SNRPG: variants seen among roughly 807,000 people sequenced by gnomAD.
SNRPG encodes the protein small nuclear ribonucleoprotein G.
A neutral mutation model predicts 13.9 loss-of-function variants in SNRPG; 3 were observed. The ratio of observed to expected loss-of-function variants is 0.22; its 90% CI spans 0.10 to 0.56. SNRPG has a LOEUF of 0.56. Among genes scored for constraint, SNRPG ranks in the 20% least tolerant of loss-of-function variants. The pLI is 0.93. For synonymous variants in SNRPG, 29 were observed against 29.3 expected, an observed-to-expected ratio of 0.99 and a Z score of 0.03; for missense variants, 34 against 96.1, an observed-to-expected ratio of 0.35 and a Z score of 2.70.
intron 3 of SNRPG, 38 bp from the exon 4 acceptor site, chr2:70,281,722 A>T: frequency 9.2e-7 from 1 of 1,092,886 alleles, no homozygotes; most frequent in East Asian, 2.4e-5. Flanking sequence ...AGAACAACTC[A>T]GGTAACAGAC....
At chr2:70,282,420 T>C (rs1168707838) in intron 3 of SNRPG, among the ~76,000 whole-genome samples, 1 of 152,118 alleles carries the variant, frequency 6.6e-6, no homozygotes, top group Non-Finnish European at 1.5e-5. Context: ...GTCTTGGAAA[T>C]TGGGCAGAAT....
intron 1 of SNRPG, chr2:70,293,168 G>A (rs2104928286): frequency 1.4e-6 from 1 of 702,434 alleles, no homozygotes; most frequent in East Asian, 2.7e-5. Flanking sequence ...CATTTGCTAA[G>A]ACTAAAGTGG....
chr2:70,284,586 G>A (rs1696894470), intron 3 of SNRPG, among the ~76,000 whole-genome samples: 1 of 152,036 alleles, frequency 6.6e-6, no homozygotes, highest in Non-Finnish European at 1.5e-5. Flanking sequence ...GTCTCACCAT[G>A]TTGCCCAGGC....
chr2:70,293,265 C>CT (rs1469712360), intron 1 of SNRPG: 1 of 701,192 alleles, frequency 1.4e-6, no homozygotes, highest in South Asian at 1.5e-5. Flanking sequence ...ATTTCCCCCT[C>CT]TAGCCGTCTA....
intron 3 of SNRPG, among the ~76,000 whole-genome samples, chr2:70,281,886 G>A (rs1430429052): frequency 6.6e-6 from 1 of 152,096 alleles, no homozygotes; most frequent in African/African-American, 2.4e-5. Context: ...CTAACAATTT[G>A]CTTTATGAGA....
chr2:70,293,298 G>A (rs1697151296), intron 1 of SNRPG: 1 of 678,804 alleles, frequency 1.5e-6, no homozygotes, highest in Non-Finnish European at 2.7e-6. Context: ...TACTATTCGA[G>A]ATGTTCAACA....
chr2:70,289,244 C>T (rs1377990144), intron 2 of SNRPG, 106 bp downstream of exon 2: 6 of 677,874 alleles, frequency 8.9e-6, no homozygotes, highest in African/African-American at 3.7e-5. Flanking sequence ...TGAGCCATCG[C>T]GCCTGGCTGC....
chr2:70,289,414 A>C, intron 1 of SNRPG, 42 bp from the exon 2 acceptor site: 1 of 1,114,830 alleles, frequency 9.0e-7, no homozygotes, highest in Non-Finnish European at 1.3e-6. Flanking sequence ...CCAATTAAAA[A>C]AATTTAAGCA....
chr2:70,284,686 T>A (rs564813813), intron 3 of SNRPG, among the ~76,000 whole-genome samples: 1 of 152,258 alleles, frequency 6.6e-6, no homozygotes, highest in East Asian at 1.9e-4. Flanking sequence ...ACCTGGCCAG[T>A]TATCAGAATT....
chr2:70,285,719 A>T (rs1210708326), intron 3 of SNRPG, among the ~76,000 whole-genome samples: 1 of 152,140 alleles, frequency 6.6e-6, no homozygotes, highest in Non-Finnish European at 1.5e-5. Context: ...TAATTCTCCA[A>T]ATCAAACTTG....
intron 1 of SNRPG, among the ~76,000 whole-genome samples, chr2:70,289,873 T>C (rs1697037209): frequency 6.6e-6 from 1 of 152,100 alleles, no homozygotes; most frequent in South Asian, 2.1e-4. Flanking sequence ...AGCAAAGTAA[T>C]TTGGGAAGAG....
intron 2 of SNRPG, among the ~76,000 whole-genome samples, chr2:70,289,067 C>G (rs1285193273): frequency 6.6e-6 from 1 of 152,148 alleles, no homozygotes; most frequent in East Asian, 1.9e-4. Context: ...TCTCCTGACT[C>G]AGCCTCCCGA....
chr2:70,290,968 G>A (rs1161173085), intron 1 of SNRPG, among the ~76,000 whole-genome samples: 3 of 148,718 alleles, frequency 2.0e-5, no homozygotes, highest in Admixed American at 6.8e-5. Context: ...CCAAGATCGC[G>A]CCACTGCACT....
chr2:70,284,633 C>T (rs1290592362), intron 3 of SNRPG, among the ~76,000 whole-genome samples: 1 of 152,172 alleles, frequency 6.6e-6, no homozygotes, highest in African/African-American at 2.4e-5. Context: ...ATCCTCCTGC[C>T]TTGGCCTCCC....
chr2:70,287,924 A>C (rs193044838), intron 3 of SNRPG, 144 bp downstream of exon 3: 2 of 619,912 alleles, frequency 3.2e-6, no homozygotes, highest in East Asian at 2.8e-5. Context: ...ACAGCTGAGT[A>C]ACTGCCGTAT....
chr2:70,287,289 AAT>A lies in SNRPG; in HGVS notation c.180+777_180+778del, dbSNP rs1338442012. 3 of 702,552 alleles carry A rather than the reference AAT, an allele frequency of 4.3e-6. No individual in the cohort carries two copies. The East Asian group carries it at 8.1e-5, about 19-fold the overall frequency. 43.5% of individuals were successfully genotyped at this position (702,552 alleles called of 1,614,324 possible). A position where few individuals can be genotyped will look rare whatever the true frequency, so the allele number is the denominator to read the frequency against. On this transcript the variant is annotated intron_variant, in intron 3 of 3. Coordinates refer to ENST00000272348, the MANE Select transcript of SNRPG (RefSeq NM_003096.4). ...CCACTCCTTGGAGGTCTTTATGCTTAATAATTTGCTAAAAGTAAGTTGTCCTT... is the reference window on the plus strand; with the variant it reads ...CCACTCCTTGGAGGTCTTTATGCTTAAATTTGCTAAAAGTAAGTTGTCCTT...
chr2:70,293,499 G>A, intron 1 of SNRPG, 119 bp downstream of exon 1: 2 of 936,254 alleles, frequency 2.1e-6, no homozygotes, highest in Non-Finnish European at 3.6e-6. Context: ...CGGCGACCTC[G>A]GACCGGAAGA....
intron 1 of SNRPG, chr2:70,292,900 A>ATACTTTT: frequency 2.0e-6 from 1 of 512,406 alleles, no homozygotes; most frequent in Non-Finnish European, 3.5e-6. Context: ...AGGAATTCAA[A>ATACTTTT]GCTTTACGTT....
intron 3 of SNRPG, among the ~76,000 whole-genome samples, chr2:70,286,226 C>A (rs1439795956): frequency 6.6e-6 from 1 of 152,146 alleles, no homozygotes; most frequent in African/African-American, 2.4e-5. Context: ...CTGTGCCCAG[C>A]CAACACACAC....
Sources: gnomAD v4.1 joint callset for allele counts (sites outside exome capture counted in the v4.1 genomes callset) on GRCh38, gnomAD v4.1.1 for gene constraint, MANE v1.5 for transcripts, NCBI Gene and HGNC (gene_info 2026-07-23, HGNC 2026-07-21) for gene names.